Variants in PTPRG observed in about 807,000 individuals in gnomAD.
PTPRG encodes the protein protein tyrosine phosphatase receptor type G.
In PTPRG, 102 loss-of-function variants were observed where a neutral mutation model predicts 165.3. The ratio of observed to expected loss-of-function variants is 0.62; its 90% CI spans 0.53 to 0.73. The LOEUF (loss-of-function observed/expected upper bound fraction) is 0.73, where lower values mean the gene tolerates loss of function less well. Among genes scored for constraint, PTPRG ranks in the 30% least tolerant of loss-of-function variants. The probability of loss-of-function intolerance (pLI) is 0.00; values close to 1 mark genes in which losing one functional copy is unlikely to be tolerated. For synonymous variants in PTPRG, 675 were observed against 669.5 expected, an observed-to-expected ratio of 1.01 and a Z score of -0.13; for missense variants, 1,866 against 1,861.4, an observed-to-expected ratio of 1.00 and a Z score of -0.05.
intron 6 of PTPRG, among the ~76,000 whole-genome samples, chr3:62,148,701 G>T (rs974568560): frequency 6.6e-6 from 1 of 152,172 alleles, no homozygotes; most frequent in African/African-American, 2.4e-5. Flanking sequence ...GGTGGAGGTG[G>T]CAGTGAGCTG....
intron 8 of PTPRG, among the ~76,000 whole-genome samples, chr3:62,179,367 A>T (rs555155031): frequency 6.6e-6 from 1 of 152,258 alleles, no homozygotes; most frequent in South Asian, 2.1e-4. Flanking sequence ...GGACCGAAAT[A>T]AGTATCTTGG....
intron 5 of PTPRG, among the ~76,000 whole-genome samples, chr3:62,091,835 A>G (rs942593853): frequency 6.6e-5 from 10 of 151,976 alleles, no homozygotes; most frequent in African/African-American, 2.4e-4. Context: ...TCTCTTCTAT[A>G]TGGGGCAGTC....
At chr3:61,570,333 T>G (rs1034216681) in intron 1 of PTPRG, among the ~76,000 whole-genome samples, 4 of 152,068 alleles carry the variant, frequency 2.6e-5, no homozygotes, top group African/African-American at 7.2e-5. Flanking sequence ...TTTAAACTAC[T>G]CAGTTTAGCT....
At position 62,145,128 on chromosome 3, in the gene PTPRG, A is replaced by G. The variant is rs79281111; in HGVS notation, c.683-11939A>G. Among the ~76,000 whole-genome samples the G allele has an allele frequency of 5.9e-3, 906 of 152,304 alleles. 7 individuals carry two copies. Among genetic ancestry groups the G allele is most frequent in the African/African-American group, 0.02 (850 of 41,558 alleles). ...CCTGCTCTATGTATGTCACCTCGGT[A>G]TAGGAGAGACAGACACTATTGCGTA... is the stretch of plus-strand genomic sequence containing the variant. On this transcript the variant is annotated intron_variant, in intron 6 of 29. Transcript: ENST00000474889.
At chr3:62,096,545 A>G (rs1176477634) in intron 5 of PTPRG, among the ~76,000 whole-genome samples, 1 of 152,156 alleles carries the variant, frequency 6.6e-6, no homozygotes, top group Non-Finnish European at 1.5e-5. Context: ...TGATCAGCTC[A>G]TGTGTATGTT....
intron 8 of PTPRG, among the ~76,000 whole-genome samples, chr3:62,187,504 TC>T (rs1292698127): frequency 6.6e-6 from 1 of 152,234 alleles, no homozygotes; most frequent in Non-Finnish European, 1.5e-5. Flanking sequence ...TGAACTTGTG[TC>T]CATAGATATT....
chr3:62,203,027 C>A lies in PTPRG; in HGVS notation c.1378-146C>A. 7.3e-7 allele frequency: 1 copy of A among 1,362,342 alleles called. No individual in the cohort carries two copies. Among genetic ancestry groups the A allele is most frequent in the Non-Finnish European group, 9.7e-7 (1 of 1,027,526 alleles). The allele number at this position is 1,362,342 out of a possible 1,614,324, so 84.4% of individuals were successfully genotyped here. A position where few individuals can be genotyped will look rare whatever the true frequency, so the allele number is the denominator to read the frequency against. Reference sequence around the variant, plus strand: ...TGGACCACCTAATGTCAACTTTATGCCATACATTGGAAAACTCCATAGCAT... The same window carrying A: ...TGGACCACCTAATGTCAACTTTATGACATACATTGGAAAACTCCATAGCAT... On this transcript the variant is annotated intron_variant, in intron 11 of 29. Transcript: ENST00000474889. The surrounding 1 kb of genome is among the most constrained non-coding windows in gnomAD (Gnocchi z 6.4).
intron 2 of PTPRG, among the ~76,000 whole-genome samples, chr3:61,934,840 C>A (rs1429302969): frequency 6.6e-6 from 1 of 152,174 alleles, no homozygotes; most frequent in Admixed American, 6.5e-5. Flanking sequence ...ACATAGTCTT[C>A]TGACCATGGG....
At chr3:61,904,610 G>A (rs375657084) in intron 2 of PTPRG, among the ~76,000 whole-genome samples, 1 of 152,206 alleles carries the variant, frequency 6.6e-6, no homozygotes, top group African/African-American at 2.4e-5. Context: ...TTCATGGTTG[G>A]CTTTCTAACT....
chr3:61,820,283 C>T (rs1181209588), intron 2 of PTPRG, among the ~76,000 whole-genome samples: 1 of 152,120 alleles, frequency 6.6e-6, no homozygotes, highest in Non-Finnish European at 1.5e-5. Context: ...AAACTTATGG[C>T]CCTGGTTAAG....
intron 1 of PTPRG, among the ~76,000 whole-genome samples, chr3:61,724,847 A>G (rs1354136770): frequency 6.6e-6 from 1 of 152,102 alleles, no homozygotes; most frequent in Non-Finnish European, 1.5e-5. Context: ...TGAGAGTTCT[A>G]CACACACTCT....
intron 1 of PTPRG, among the ~76,000 whole-genome samples, chr3:61,701,588 A>G (rs2030962935): frequency 6.6e-6 from 1 of 152,172 alleles, no homozygotes; most frequent in Admixed American, 6.5e-5. Flanking sequence ...CAATTGTTAT[A>G]ATAATGATGG....
intron 7 of PTPRG, 35 bp downstream of exon 7, chr3:62,157,259 T>G (rs777307648): frequency 6.2e-7 from 1 of 1,603,524 alleles, no homozygotes; most frequent in Admixed American, 1.7e-5. Flanking sequence ...TTTCTGTGTT[T>G]ACTTGTTTTG....
chr3:62,282,936 T>C (rs2148891082), intron 28 of PTPRG, 67 bp downstream of exon 28: 3 of 1,472,088 alleles, frequency 2.0e-6, no homozygotes, highest in Non-Finnish European at 2.8e-6. Flanking sequence ...TTGAAAGCAG[T>C]AGAAAAGGAA....
In PTPRG at chr3:62,273,779, A is replaced by G; in HGVS notation, c.3400A>G (p.Ser1134Gly). 2 of 1,613,826 alleles carry G rather than the reference A, an allele frequency of 1.2e-6. No homozygotes were observed. The highest frequency in any genetic ancestry group is 1.7e-6 in the Non-Finnish European group (2 of 1,179,746). Residue 1134 changes from serine to glycine, a missense_variant, in exon 23 of 30, where the codon AGC becomes GGC. This residue lies in a region of PTPRG where 1,452 missense variants were observed against 1,463.0 expected (regional missense o/e 0.99). Transcript: ENST00000474889. This position sits in a 1 kb window ranked among gnomAD's most constrained non-coding sequence, Gnocchi z 4.1. ...ETEVSSNQLH[S>G]YVNSILIPGV... ...TGAAGTATCTTCAAATCAGCTGCAC[A>G]GCTATGTTAACAGCATCCTTATACC...
intron 1 of PTPRG, among the ~76,000 whole-genome samples, chr3:61,667,591 A>G (rs1044086861): frequency 5.9e-5 from 9 of 152,070 alleles, no homozygotes; most frequent in African/African-American, 2.2e-4. Context: ...CATGCTCGGC[A>G]TTTTGTACAC....
At position 61,848,631 on chromosome 3, in the gene PTPRG, T is replaced by G. The variant is rs143150734; in HGVS notation, c.190+99649T>G. On this transcript the variant is annotated intron_variant, in intron 2 of 29. Transcript: ENST00000474889. ...GACTATTTTTATTCATTATGCGTTT[T>G]GTTAAACCAGGTTGTTCCTATAATG... Among the ~76,000 whole-genome samples, 904 of 152,350 alleles carry G rather than the reference T, an allele frequency of 5.9e-3. 7 individuals carry two copies. The highest frequency in any genetic ancestry group is 0.02 in the African/African-American group (830 of 41,568).
chr3:61,921,233 T>C (rs906238382), intron 2 of PTPRG, among the ~76,000 whole-genome samples: 4 of 152,162 alleles, frequency 2.6e-5, no homozygotes, highest in African/African-American at 9.7e-5. Context: ...TCTTATTTTC[T>C]TTTATTTTAA....
At chr3:62,140,910 C>T (rs1553641097) in intron 6 of PTPRG, among the ~76,000 whole-genome samples, 2 of 146,124 alleles carry the variant, frequency 1.4e-5, no homozygotes, top group Non-Finnish European at 3.0e-5. Flanking sequence ...TGAAAAGGAA[C>T]CTGAGGAAAT....
Sources: allele counts gnomAD v4.1 joint callset (sites outside exome capture counted in the v4.1 genomes callset), GRCh38; gene constraint gnomAD v4.1.1; regional missense constraint gnomAD v4.1.1; non-coding constraint Gnocchi (gnomAD v3.1); transcripts MANE v1.5; gene names NCBI Gene and HGNC (gene_info 2026-07-23, HGNC 2026-07-21).